METTL2B: variants seen among roughly 807,000 people sequenced by gnomAD.
METTL2B encodes methyltransferase 2B, tRNA N3-cytidine.
METTL2B carries 28 observed loss-of-function variants against 51.0 expected under a neutral mutation model. That is an observed-to-expected ratio of 0.55 (90% CI 0.41 to 0.75). The LOEUF (loss-of-function observed/expected upper bound fraction) is 0.75. METTL2B is among the 30% of genes least tolerant of loss of function. The pLI, the probability that METTL2B is intolerant of heterozygous loss-of-function variation, is 0.00. For missense variants in METTL2B, 313 were observed against 460.7 expected, an observed-to-expected ratio of 0.68 and a Z score of 2.93; for synonymous variants, 128 against 166.3, an observed-to-expected ratio of 0.77 and a Z score of 1.77.
chr7:128,501,087 TC>T, intron 8 of METTL2B, 119 bp downstream of exon 8: 3 of 1,544,268 alleles, frequency 1.9e-6, no homozygotes, highest in Non-Finnish European at 2.6e-6. Flanking sequence ...TTCCTTCGGT[TC>T]CCCGCTGCTC....
intron 6 of METTL2B, among the ~76,000 whole-genome samples, chr7:128,495,459 A>AT (rs1401432795): frequency 6.7e-6 from 1 of 150,102 alleles, no homozygotes. Flanking sequence ...TCTTTTTTTT[A>AT]TTTTTTTCTG....
chr7:128,496,912 C>T (rs996745050), intron 6 of METTL2B, among the ~76,000 whole-genome samples: 18 of 152,136 alleles, frequency 1.2e-4, no homozygotes, highest in African/African-American at 4.3e-4. Flanking sequence ...TCCCAAGTAG[C>T]TGGGATTACA....
In METTL2B at chr7:128,479,269, C is replaced by T; in HGVS notation, c.314C>T (p.Pro105Leu). The change falls in exon 3 of 9, where the codon CCT becomes CTT. Residue 105 changes from proline (P) to leucine (L), a missense_variant. Transcript: ENST00000262432. ...WLFTEFPELA[P>L]SQNQNHLKDW... is the part of the protein sequence containing the mutation. ...TTTACCGAATTCCCTGAGCTGGCAC[C>T]TAGCCAAAATCAAAATCATTTGAAG... 1 of 1,614,184 alleles carries T rather than the reference C, an allele frequency of 6.2e-7. No individual in the cohort carries two copies. The highest frequency in any genetic ancestry group is 1.6e-4 in the Middle Eastern group (1 of 6,062).
intron 2 of METTL2B, among the ~76,000 whole-genome samples, chr7:128,478,592 C>T (rs1050289533): frequency 5.5e-5 from 8 of 146,756 alleles, no homozygotes; most frequent in South Asian, 4.4e-4. Flanking sequence ...TGGCTGGGCG[C>T]GATGACTCAT....
In METTL2B at chr7:128,488,137, T is replaced by A. The variant is rs759861259; in HGVS notation, c.645T>A (p.Ser215=). 16 of 1,613,018 alleles carry A rather than the reference T, an allele frequency of 9.9e-6. No homozygotes were observed. The highest frequency in any genetic ancestry group is 1.3e-5 in the Non-Finnish European group (15 of 1,179,636). The change falls in exon 5 of 9, where the codon TCT becomes TCA. Residue 215 remains serine, a synonymous_variant. Coordinates refer to ENST00000262432, the MANE Select transcript of METTL2B (RefSeq NM_018396.3). Reference sequence around the variant, plus strand: ...TCTTTGTTTATTGCTGTGATTTTTCTTCCACAGCTATAGAACTGGTCCAGG... The same window carrying A: ...TCTTTGTTTATTGCTGTGATTTTTCATCCACAGCTATAGAACTGGTCCAGG... ...PGLFVYCCDF[S]STAIELVQTN...
intron 6 of METTL2B, among the ~76,000 whole-genome samples, chr7:128,494,387 G>A (rs1792887472): frequency 6.6e-6 from 1 of 152,184 alleles, no homozygotes. Flanking sequence ...GTAGTGATGT[G>A]AGCATCTCAA....
chr7:128,491,796 T>C lies in METTL2B; in HGVS notation c.670-2008T>C, dbSNP rs111761319. ...AAAAAAAAAGGGTCTGTCACAATTATGTATAATGCTGTTAGGGCAGATTAG... is the reference window on the plus strand; with the variant it reads ...AAAAAAAAAGGGTCTGTCACAATTACGTATAATGCTGTTAGGGCAGATTAG... On this transcript the variant is annotated intron_variant, in intron 5 of 8. Transcript: ENST00000262432. Among the ~76,000 whole-genome samples the C allele has an allele frequency of 4.0e-3, 598 of 150,350 alleles. 8 individuals are homozygous for C. Among genetic ancestry groups the C allele is most frequent in the African/African-American group, 0.013 (540 of 41,006 alleles).
chr7:128,477,061 C>T, intron 1 of METTL2B, 21 bp from the exon 2 acceptor site: 1 of 1,614,164 alleles, frequency 6.2e-7, no homozygotes, highest in Non-Finnish European at 8.5e-7. Context: ...AGCCCCTAAG[C>T]TGCCCGTTTG....
chr7:128,502,528 T>C lies in METTL2B; in HGVS notation c.*612T>C. On this transcript the variant is annotated 3_prime_UTR_variant, in exon 9 of 9. Coordinates refer to ENST00000262432, the MANE Select transcript of METTL2B (RefSeq NM_018396.3). Reference sequence around the variant, plus strand: ...GGAAGAATCAGATCAGATATTTTCCTGACAAGAAAAAAATGACCCTGTAGA... The same window carrying C: ...GGAAGAATCAGATCAGATATTTTCCCGACAAGAAAAAAATGACCCTGTAGA... 2.3e-6 allele frequency: 1 copy of C among 427,682 alleles called. No homozygotes were observed. The highest frequency in any genetic ancestry group is 1.6e-5 in the South Asian group (1 of 61,248). The allele number at this position is 427,682 out of a possible 1,614,324, so 26.5% of individuals were successfully genotyped here. A position where few individuals can be genotyped will look rare whatever the true frequency, so the allele number is the denominator to read the frequency against.
intron 5 of METTL2B, among the ~76,000 whole-genome samples, chr7:128,490,291 G>T: frequency 6.7e-6 from 1 of 150,312 alleles, no homozygotes; most frequent in South Asian, 2.1e-4. Flanking sequence ...GAAGCAACAA[G>T]ATTGCAGCAA....
intron 6 of METTL2B, among the ~76,000 whole-genome samples, chr7:128,494,570 G>GA (rs772446295): frequency 6.6e-6 from 1 of 152,160 alleles, no homozygotes; most frequent in Non-Finnish European, 1.5e-5. Context: ...TGCCGTTTTA[G>GA]AACTGTGAAC....
intron 4 of METTL2B, among the ~76,000 whole-genome samples, chr7:128,487,210 A>G (rs1196987923): frequency 6.6e-6 from 1 of 152,120 alleles, no homozygotes; most frequent in Non-Finnish European, 1.5e-5. Flanking sequence ...GTCTGCTCCA[A>G]AGGTCAACAG....
chr7:128,482,715 G>A (rs774660290), intron 4 of METTL2B, among the ~76,000 whole-genome samples: 4 of 152,206 alleles, frequency 2.6e-5, no homozygotes, highest in Admixed American at 1.3e-4. Context: ...TGTATTTTTA[G>A]TAGAGATGGG....
At chr7:128,492,864 C>T (rs1792860231) in intron 5 of METTL2B, among the ~76,000 whole-genome samples, 1 of 152,036 alleles carries the variant, frequency 6.6e-6, no homozygotes, top group Non-Finnish European at 1.5e-5. Context: ...GATCTGCGCG[C>T]CTCGGCCTCC....
In METTL2B at chr7:128,476,866, A is replaced by T; in HGVS notation, c.101A>T (p.His34Leu). Residue 34 changes from histidine (H) to leucine (L), a missense_variant, in exon 1 of 9, where the codon CAC becomes CTC. Transcript: ENST00000262432. ...AGCGATCCGGCGCGCGTCTTCCACC[A>T]CAATGCCTGGTAATCACCCTGCCCC... ...FLSDPARVFHHNAWDNVEWSE... is the reference protein window; with the variant it reads ...FLSDPARVFHLNAWDNVEWSE... 1 of 1,614,002 alleles carries T rather than the reference A, an allele frequency of 6.2e-7. No homozygotes were observed. The highest frequency in any genetic ancestry group is 8.5e-7 in the Non-Finnish European group (1 of 1,179,980).
chr7:128,488,374 T>C lies in METTL2B; in HGVS notation c.669+213T>C, dbSNP rs2732430. Reference sequence around the variant, plus strand: ...CATATCTGTTCATATATTGAAAGTCTGTGGCAACCCTGCATCAAGCAAGCC... The same window carrying C: ...CATATCTGTTCATATATTGAAAGTCCGTGGCAACCCTGCATCAAGCAAGCC... On this transcript the variant is annotated intron_variant, in intron 5 of 8. Coordinates refer to ENST00000262432, the MANE Select transcript of METTL2B (RefSeq NM_018396.3). 5,471 of 790,382 alleles carry C rather than the reference T, an allele frequency of 6.9e-3. 203 individuals are homozygous for C. In the African/African-American group the frequency reaches 0.082, roughly 12 times the overall value. 49.0% of individuals were successfully genotyped at this position (790,382 alleles called of 1,614,324 possible).
rs1792956645 is a variant in METTL2B, at chr7:128,498,028, C to T, written c.810-8C>T. On this transcript the variant is annotated splice_polypyrimidine_tract_variant and splice_region_variant and intron_variant, in intron 6 of 8. Coordinates refer to ENST00000262432, the MANE Select transcript of METTL2B (RefSeq NM_018396.3). ...CCTGATTAACTATAATTCCCTGTGT[C>T]TCCACAGGATGCAGAAGGCTATCAA... 1 of 1,613,046 alleles carries T rather than the reference C, an allele frequency of 6.2e-7. No individual in the cohort carries two copies.
At chr7:128,486,691 G>A (rs1011613567) in intron 4 of METTL2B, among the ~76,000 whole-genome samples, 3 of 151,992 alleles carry the variant, frequency 2.0e-5, no homozygotes, top group Non-Finnish European at 2.9e-5. Flanking sequence ...TGGGGAGGCC[G>A]AGGCAGGTGG....
chr7:128,490,998 T>C (rs1340684769), intron 5 of METTL2B, among the ~76,000 whole-genome samples: 1 of 151,744 alleles, frequency 6.6e-6, no homozygotes, highest in East Asian at 1.9e-4. Flanking sequence ...CCGTCTCTAC[T>C]AAAAATATGA....
Sources: gnomAD v4.1 joint callset for allele counts (sites outside exome capture counted in the v4.1 genomes callset) on GRCh38, gnomAD v4.1.1 for gene constraint, MANE v1.5 for transcripts, NCBI Gene and HGNC (gene_info 2026-07-23, HGNC 2026-07-21) for gene names.